Variants in ULK4 observed in about 807,000 individuals in gnomAD.
The protein encoded by ULK4 is unc-51 like kinase 4.
A neutral mutation model predicts 160.6 loss-of-function variants in ULK4; 133 were observed. That is an observed-to-expected ratio of 0.83 (90% CI 0.72 to 0.96). ULK4 has a LOEUF of 0.96. Ranked by LOEUF, ULK4 falls within the 40% of genes least tolerant of loss-of-function variation. The probability of loss-of-function intolerance (pLI) is 0.00; values close to 1 mark genes in which losing one functional copy is unlikely to be tolerated. For synonymous variants in ULK4, 534 were observed against 539.8 expected (o/e 0.99, Z 0.15); for missense variants, 1,580 against 1,499.5 (o/e 1.05, Z -0.89).
intron 34 of ULK4, among the ~76,000 whole-genome samples, chr3:41,430,043 C>T (rs3172380): frequency 2.0e-5 from 3 of 151,992 alleles, no homozygotes; most frequent in Non-Finnish European, 4.4e-5. Context: ...AGAGCTCATA[C>T]TTAAATAATA....
intron 35 of ULK4, among the ~76,000 whole-genome samples, chr3:41,378,699 G>A (rs1444794838): frequency 6.6e-6 from 1 of 151,754 alleles, no homozygotes; most frequent in Non-Finnish European, 1.5e-5. Context: ...GTTAATGGGT[G>A]TAGCACACCA....
intron 25 of ULK4, among the ~76,000 whole-genome samples, chr3:41,712,277 A>G (rs1363793609): frequency 6.6e-6 from 1 of 152,138 alleles, no homozygotes; most frequent in Non-Finnish European, 1.5e-5. Flanking sequence ...GCACAGTTCC[A>G]ATCCCCGCTT....
intron 35 of ULK4, among the ~76,000 whole-genome samples, chr3:41,271,735 G>A (rs1429150093): frequency 1.3e-5 from 2 of 151,894 alleles, no homozygotes; most frequent in African/African-American, 2.4e-5. Flanking sequence ...TCTATTGTTT[G>A]GATACATCAC....
At chr3:41,324,146 G>A (rs1321975266) in intron 35 of ULK4, among the ~76,000 whole-genome samples, 2 of 152,192 alleles carry the variant, frequency 1.3e-5, no homozygotes, top group Non-Finnish European at 2.9e-5. Context: ...AATTCACTGA[G>A]CAGGTTCTGA....
chr3:41,943,696 G>C (rs541114435), intron 2 of ULK4, among the ~76,000 whole-genome samples: 1 of 151,990 alleles, frequency 6.6e-6, no homozygotes, highest in Non-Finnish European at 1.5e-5. Flanking sequence ...CAGGCTCCTG[G>C]CATGGAATCC....
intron 35 of ULK4, among the ~76,000 whole-genome samples, chr3:41,338,323 C>T (rs1206909835): frequency 6.6e-6 from 1 of 152,146 alleles, no homozygotes; most frequent in Non-Finnish European, 1.5e-5. Context: ...ATTGAGCCCT[C>T]AACATTCTAA....
At chr3:41,642,748 C>G (rs577482417) in intron 30 of ULK4, among the ~76,000 whole-genome samples, 19 of 152,298 alleles carry the variant, frequency 1.2e-4, no homozygotes, top group African/African-American at 3.9e-4. Flanking sequence ...AGTTCTAGAT[C>G]CCTGAAGAAT....
intron 35 of ULK4, among the ~76,000 whole-genome samples, chr3:41,265,978 T>A (rs1411566854): frequency 6.6e-6 from 1 of 152,128 alleles, no homozygotes. Context: ...TCTGGGTGAA[T>A]CAGAGGACCA....
chr3:41,819,644 G>A lies in ULK4; in HGVS notation c.1765-138C>T, dbSNP rs2041081223. On this transcript the variant is annotated intron_variant, in intron 18 of 36. Transcript: ENST00000301831. ...CTATTTAAAGTATTACTTACTATCT[G>A]ATGATAACGACTAGATCAAGGATCT... 1.1e-5 allele frequency: 7 copies of A among 651,786 alleles called. No individual in the cohort carries two copies. In the East Asian group the frequency reaches 1.6e-4, roughly 15 times the overall value. 40.4% of individuals were successfully genotyped at this position (651,786 alleles called of 1,614,324 possible). A position where few individuals can be genotyped will look rare whatever the true frequency, so the allele number is the denominator to read the frequency against.
At chr3:41,249,664 A>G in intron 35 of ULK4, 90 bp from the exon 36 acceptor site, 1 of 1,375,226 alleles carries the variant, frequency 7.3e-7, no homozygotes, top group Non-Finnish European at 1.0e-6. Flanking sequence ...TCAGGCCTGC[A>G]TGGTGCTGTG....
chr3:41,587,173 T>C (rs1205052162), intron 31 of ULK4, among the ~76,000 whole-genome samples: 10 of 152,314 alleles, frequency 6.6e-5, no homozygotes, highest in Non-Finnish European at 1.5e-4. Context: ...GGCTGCTGGA[T>C]GAAAACCACT....
rs566547159 is a variant in ULK4, at chr3:41,958,216, G to A, written c.-48-3409C>T. ...TAAAACATGGAAGCAACTTGTGTCC[G>A]CTGATACATGGATAAGCAAAATGTA... On this transcript the variant is annotated intron_variant, in intron 1 of 36. Transcript: ENST00000301831. Among the ~76,000 whole-genome samples, 293 of 152,168 alleles carry A rather than the reference G, an allele frequency of 1.9e-3. 4 individuals are homozygous for A. The highest frequency in any genetic ancestry group is 6.7e-3 in the African/African-American group (280 of 41,496).
chr3:41,536,411 T>C (rs1416081647), intron 32 of ULK4, among the ~76,000 whole-genome samples: 2 of 152,046 alleles, frequency 1.3e-5, no homozygotes, highest in Non-Finnish European at 2.9e-5. Context: ...AGTTGACCCA[T>C]GAAAAATGCA....
At chr3:41,292,756 C>A (rs908436633) in intron 35 of ULK4, among the ~76,000 whole-genome samples, 1 of 151,216 alleles carries the variant, frequency 6.6e-6, no homozygotes, top group Non-Finnish European at 1.5e-5. Flanking sequence ...CCAGCCTGGC[C>A]AAGATGGTGA....
chr3:41,867,930 T>C (rs1175077372), intron 17 of ULK4, among the ~76,000 whole-genome samples: 2 of 151,066 alleles, frequency 1.3e-5, no homozygotes, highest in African/African-American at 2.5e-5. Flanking sequence ...GGGGATTTTC[T>C]AGATTTCCTC....
chr3:41,921,547 G>A (rs1221994062), intron 5 of ULK4, among the ~76,000 whole-genome samples: 3 of 151,978 alleles, frequency 2.0e-5, no homozygotes, highest in Non-Finnish European at 4.4e-5. Flanking sequence ...CCCAGGAGGC[G>A]GAGTTTGCAG....
At chr3:41,805,065 ATCT>A (rs1265916081) in intron 19 of ULK4, among the ~76,000 whole-genome samples, 3 of 152,308 alleles carry the variant, frequency 2.0e-5, no homozygotes, top group Middle Eastern at 3.4e-3. Context: ...TCTATAAATT[ATCT>A]TGGGCAGTAT....
chr3:41,680,298 C>T (rs1390082030), intron 29 of ULK4, among the ~76,000 whole-genome samples: 1 of 152,090 alleles, frequency 6.6e-6, no homozygotes, highest in Admixed American at 6.6e-5. Flanking sequence ...TTACTTTGGG[C>T]ATTAAAAGTA....
Position 41,302,095 on chromosome 3 carries a change from T to C in ULK4, c.3679-52521A>G, listed in dbSNP as rs563864717. 2.6e-5 allele frequency among the ~76,000 whole-genome samples: 4 copies of C among 152,280 alleles called. No individual in the cohort carries two copies. The South Asian group carries it at 8.3e-4, about 32-fold the overall frequency. ...TACATACAAGCACTGAGAAGAATGT[T>C]TGGCAAACAAAGAATTGAACAGATG... On this transcript the variant is annotated intron_variant, in intron 35 of 36. Transcript: ENST00000301831.
Sources: gnomAD v4.1 joint callset for allele counts (sites outside exome capture counted in the v4.1 genomes callset) on GRCh38, gnomAD v4.1.1 for gene constraint, MANE v1.5 for transcripts, NCBI Gene and HGNC (gene_info 2026-07-23, HGNC 2026-07-21) for gene names.